PRKD1: variants seen among roughly 807,000 people sequenced by gnomAD.
PRKD1 encodes serine/threonine-protein kinase D1.
PRKD1 carries 63 observed loss-of-function variants against 95.9 expected under a neutral mutation model. The observed-to-expected ratio is 0.66, with a 90% CI of 0.54 to 0.81. The LOEUF (loss-of-function observed/expected upper bound fraction) is 0.81, where lower values mean the gene tolerates loss of function less well. Among genes scored for constraint, PRKD1 ranks in the 30% least tolerant of loss-of-function variants. The pLI is 0.00. For missense variants in PRKD1, 1,048 were observed against 1,165.3 expected (o/e 0.90, Z 1.47); for synonymous variants, 425 against 423.1 (o/e 1.00, Z -0.05).
At chr14:29,854,204 C>T (rs1892414649) in intron 1 of PRKD1, among the ~76,000 whole-genome samples, 1 of 152,106 alleles carries the variant, frequency 6.6e-6, no homozygotes, top group African/African-American at 2.4e-5. Context: ...GGGCTTGAAA[C>T]AGTTTGGAGG....
chr14:29,823,195 C>G (rs557557774), intron 1 of PRKD1, among the ~76,000 whole-genome samples: 4 of 152,118 alleles, frequency 2.6e-5, no homozygotes, highest in Admixed American at 1.3e-4. Flanking sequence ...CCATTTGATA[C>G]TGTAAATAAC....
In PRKD1 at chr14:29,602,730, G is replaced by A. The variant is rs866882026; in HGVS notation, c.1906-2913C>T. ...AGGCATGAGCCACTGCACCTGGCCA[G>A]TACATGAGTTCTTAGAGGTACTAAA... On this transcript the variant is annotated intron_variant, in intron 13 of 17. Coordinates refer to ENST00000331968, the MANE Select transcript of PRKD1 (RefSeq NM_002742.3). Among the ~76,000 whole-genome samples the A allele has an allele frequency of 2.0e-5, 3 of 152,142 alleles. 1 individual carries two copies. The highest frequency in any genetic ancestry group is 6.8e-3 in the Middle Eastern group (2 of 294).
At chr14:29,828,728 T>C (rs1048806083) in intron 1 of PRKD1, among the ~76,000 whole-genome samples, 4 of 152,178 alleles carry the variant, frequency 2.6e-5, no homozygotes, top group African/African-American at 9.6e-5. Flanking sequence ...AATCAGAGAT[T>C]GGTCCAACAA....
At chr14:29,805,733 C>T (rs573409814) in intron 1 of PRKD1, among the ~76,000 whole-genome samples, 21 of 152,140 alleles carry the variant, frequency 1.4e-4, no homozygotes, top group Non-Finnish European at 2.2e-4. Context: ...GGTGGTAGAG[C>T]CAAGAGCCAG....
At chr14:29,774,356 C>G (rs1163572277) in intron 1 of PRKD1, among the ~76,000 whole-genome samples, 1 of 152,038 alleles carries the variant, frequency 6.6e-6, no homozygotes, top group Non-Finnish European at 1.5e-5. Context: ...CATCAGCTGA[C>G]TTTGCAGTAG....
intron 1 of PRKD1, among the ~76,000 whole-genome samples, chr14:29,827,914 C>T (rs557001216): frequency 1.1e-4 from 16 of 152,198 alleles, no homozygotes; most frequent in Non-Finnish European, 1.9e-4. Flanking sequence ...TCTTGATCTT[C>T]CTCTTCCTCC....
At chr14:29,887,166 T>G (rs928474076) in intron 1 of PRKD1, among the ~76,000 whole-genome samples, 1 of 152,202 alleles carries the variant, frequency 6.6e-6, no homozygotes, top group Non-Finnish European at 1.5e-5. Flanking sequence ...TAATGCTTAC[T>G]ATCAGCTCAA....
intron 1 of PRKD1, among the ~76,000 whole-genome samples, chr14:29,816,486 G>GA (rs1197283416): frequency 5.9e-5 from 9 of 152,216 alleles, no homozygotes; most frequent in East Asian, 1.9e-4. Context: ...ACAGTTAAGA[G>GA]AAAAAACGTT....
intron 1 of PRKD1, among the ~76,000 whole-genome samples, chr14:29,872,060 C>T (rs942016581): frequency 6.6e-6 from 1 of 152,150 alleles, no homozygotes; most frequent in African/African-American, 2.4e-5. Flanking sequence ...AAAACAGTTT[C>T]CAGGATCTTA....
At chr14:29,609,336 T>G (rs578170814) in intron 13 of PRKD1, among the ~76,000 whole-genome samples, 1 of 152,246 alleles carries the variant, frequency 6.6e-6, no homozygotes, top group Admixed American at 6.5e-5. Flanking sequence ...GGTGGCTAGC[T>G]TATAATGCAC....
chr14:29,687,572 G>A (rs927606903), intron 2 of PRKD1, among the ~76,000 whole-genome samples: 7 of 152,190 alleles, frequency 4.6e-5, no homozygotes, highest in Non-Finnish European at 7.3e-5. Flanking sequence ...GGGCCTGAAT[G>A]TGGGCCGAAC....
At chr14:29,635,440 A>C (rs1880302864) in intron 7 of PRKD1, among the ~76,000 whole-genome samples, 1 of 152,198 alleles carries the variant, frequency 6.6e-6, no homozygotes, top group Non-Finnish European at 1.5e-5. Flanking sequence ...GTCACAAGAC[A>C]ATTATTTCCC....
At chr14:29,591,510 T>C (rs1374710814) in intron 16 of PRKD1, among the ~76,000 whole-genome samples, 3 of 152,118 alleles carry the variant, frequency 2.0e-5, no homozygotes, top group Non-Finnish European at 4.4e-5. Flanking sequence ...ATGTTCTCAG[T>C]GCAAAACGGC....
chr14:29,814,153 G>A (rs781607172), intron 1 of PRKD1, among the ~76,000 whole-genome samples: 21 of 152,130 alleles, frequency 1.4e-4, no homozygotes, highest in Non-Finnish European at 2.8e-4. Context: ...TCATTTTAAA[G>A]TTAAAATATC....
intron 1 of PRKD1, among the ~76,000 whole-genome samples, chr14:29,799,514 T>C (rs1889942266): frequency 6.6e-6 from 1 of 152,238 alleles, no homozygotes; most frequent in Non-Finnish European, 1.5e-5. Flanking sequence ...AAGGCTGCAA[T>C]AGCAAGGATT....
At chr14:29,794,070 T>C (rs535296181) in intron 1 of PRKD1, among the ~76,000 whole-genome samples, 2 of 152,122 alleles carry the variant, frequency 1.3e-5, no homozygotes, top group Non-Finnish European at 2.9e-5. Flanking sequence ...AGAATGTAGA[T>C]TTATTATTAG....
At chr14:29,753,490 A>T (rs1887568300) in intron 1 of PRKD1, among the ~76,000 whole-genome samples, 1 of 152,128 alleles carries the variant, frequency 6.6e-6, no homozygotes, top group Non-Finnish European at 1.5e-5. Context: ...CTTCTTGAAT[A>T]TAATTGAAAC....
At chr14:29,603,348 C>A (rs927143376) in intron 13 of PRKD1, among the ~76,000 whole-genome samples, 2 of 152,082 alleles carry the variant, frequency 1.3e-5, no homozygotes, top group African/African-American at 4.8e-5. Context: ...TGTATTTTTT[C>A]TTGCATTGAA....
In PRKD1 at chr14:29,927,130, G is replaced by A. The variant is rs1594633624; in HGVS notation, c.264+119C>T. 4 of 1,128,136 alleles carry A rather than the reference G, an allele frequency of 3.5e-6. No homozygotes were observed. The East Asian group carries it at 1.1e-4, about 31-fold the overall frequency. 69.9% of individuals were successfully genotyped at this position (1,128,136 alleles called of 1,614,324 possible). A position where few individuals can be genotyped will look rare whatever the true frequency, so the allele number is the denominator to read the frequency against. On this transcript the variant is annotated intron_variant, in intron 1 of 17. Transcript: ENST00000331968. ...CGGGGCCAGCCGCTTCCAGAGCGCC[G>A]GCGAGGCTGGCGGCCAGCCGAGCCC...
Sources: allele counts gnomAD v4.1 joint callset (sites outside exome capture counted in the v4.1 genomes callset), GRCh38; gene constraint gnomAD v4.1.1; transcripts MANE v1.5; gene names NCBI Gene and HGNC (gene_info 2026-07-23, HGNC 2026-07-21).